The following SKA3 variants were observed in gnomAD, a reference collection of about 807,000 sequenced individuals.
SKA3 encodes the protein spindle and kinetochore-associated protein 3.
Under a neutral mutation model 44.2 loss-of-function variants are expected in SKA3, and 39 were observed. That is an observed-to-expected ratio of 0.88 (90% CI 0.68 to 1.15). The LOEUF is 1.15. Among genes scored for constraint, SKA3 ranks in the 50% most tolerant of loss-of-function variants. The pLI is 0.00. For synonymous variants in SKA3, 192 were observed against 172.0 expected, an observed-to-expected ratio of 1.12 and a Z score of -0.91; for missense variants, 511 against 485.8, an observed-to-expected ratio of 1.05 and a Z score of -0.49.
intron 7 of SKA3, among the ~76,000 whole-genome samples, chr13:21,156,171 A>T (rs1010837014): frequency 1.5e-5 from 2 of 133,206 alleles, no homozygotes; most frequent in Non-Finnish European, 3.1e-5. Flanking sequence ...TAGGAGACAG[A>T]GCGAGACTTG....
chr13:21,176,220 A>G lies in SKA3; in HGVS notation c.103+155T>C. 1.7e-5 allele frequency: 10 copies of G among 595,122 alleles called. 1 individual carries two copies. In the South Asian group the frequency reaches 1.9e-4, roughly 12 times the overall value. 36.9% of individuals were successfully genotyped at this position (595,122 alleles called of 1,614,324 possible). A position where few individuals can be genotyped will look rare whatever the true frequency, so the allele number is the denominator to read the frequency against. ...GGAGCTACGCTAACGCCAAACGCCG[A>G]GCAGTGAGACGCGCAGCACCCGCCC... On this transcript the variant is annotated intron_variant, in intron 1 of 8. Transcript: ENST00000314759.
intron 7 of SKA3, among the ~76,000 whole-genome samples, chr13:21,157,146 C>A (rs1227315960): frequency 6.6e-6 from 1 of 152,168 alleles, no homozygotes; most frequent in African/African-American, 2.4e-5. Flanking sequence ...AGGAGGGGGA[C>A]TGTCAAAGAA....
rs376831484 is a variant in SKA3 at position 21,158,062 on chromosome 13, G to T, written c.979C>A (p.Arg327Ser). ...SSSNDLEVED[R>S]TSLVLNSDTC... ...TCTGAATTTAAAACCAACGAAGTACGATCTTCAACTTCCAAATCATTTGAT... is the reference window on the plus strand; with the variant it reads ...TCTGAATTTAAAACCAACGAAGTACTATCTTCAACTTCCAAATCATTTGAT... Residue 327 changes from arginine to serine, a missense_variant, in exon 7 of 9, where the codon CGT (arginine) becomes AGT (serine). By Grantham distance (110) the Arg-to-Ser change is moderately radical. Transcript: ENST00000314759. 4 of 1,612,818 alleles carry T rather than the reference G, an allele frequency of 2.5e-6. 1 individual carries two copies. In the Admixed American group the frequency reaches 6.7e-5, roughly 27 times the overall value.
chr13:21,159,833 G>A, intron 6 of SKA3, 69 bp downstream of exon 6: 2 of 1,002,400 alleles, frequency 2.0e-6, no homozygotes, highest in South Asian at 2.2e-5. Flanking sequence ...GACTCTTTGA[G>A]CCTGCAAGCA....
rs942036704 is a variant in SKA3, at chr13:21,155,233, T to C, written c.*-83A>G. On this transcript the variant is annotated intron_variant, in intron 8 of 8. Transcript: ENST00000314759. ...AATGACACAATACTGTGGCTATATA[T>C]TTTACACTTATAAAATAATTGAGGA... The C allele has an allele frequency of 1.0e-4, 117 of 1,142,030 alleles. No individual in the cohort carries two copies. In the Middle Eastern group the frequency reaches 3.1e-3, roughly 30 times the overall value. 70.7% of individuals were successfully genotyped at this position (1,142,030 alleles called of 1,614,324 possible). A position where few individuals can be genotyped will look rare whatever the true frequency, so the allele number is the denominator to read the frequency against.
At chr13:21,163,665 G>C (rs1870557145) in intron 4 of SKA3, among the ~76,000 whole-genome samples, 1 of 152,110 alleles carries the variant, frequency 6.6e-6, no homozygotes, top group African/African-American at 2.4e-5. Context: ...ATATGCATCT[G>C]GATAGTTGAA....
chr13:21,169,462 G>A (rs1459644285), intron 3 of SKA3, among the ~76,000 whole-genome samples: 2 of 151,432 alleles, frequency 1.3e-5, no homozygotes, highest in Non-Finnish European at 2.9e-5. Flanking sequence ...CGGCCTCCCA[G>A]CGTGCTGGGA....
rs1192698383 is a variant in SKA3 at position 21,154,950 on chromosome 13, T to A, written c.*200A>T. ...ATCCTTAAAGAGTGAATGACTGGGC[T>A]ACATGTCAACAAGACTAAGGTTAAA... On this transcript the variant is annotated 3_prime_UTR_variant, in exon 9 of 9. Coordinates refer to ENST00000314759, the MANE Select transcript of SKA3 (RefSeq NM_145061.6). 9.8e-6 allele frequency: 8 copies of A among 813,392 alleles called. No homozygotes were observed. The highest frequency in any genetic ancestry group is 1.6e-5 in the Non-Finnish European group (8 of 512,070). 50.4% of individuals were successfully genotyped at this position (813,392 alleles called of 1,614,324 possible).
Position 21,169,416 on chromosome 13 carries a change from G to A in SKA3, c.332-1017C>T, listed in dbSNP as rs578204590. Among the ~76,000 whole-genome samples, 27 of 151,872 alleles carry A rather than the reference G, an allele frequency of 1.8e-4. No homozygotes were observed. The South Asian group carries it at 4.8e-3, about 27-fold the overall frequency. Reference sequence around the variant, plus strand: ...GGGTTTCACCATGTTGCCTAGACAGGTCTAGAACTCCTGAGCTCAAGTGAT... The same window carrying A: ...GGGTTTCACCATGTTGCCTAGACAGATCTAGAACTCCTGAGCTCAAGTGAT... On this transcript the variant is annotated intron_variant, in intron 3 of 8. Transcript: ENST00000314759.
At chr13:21,164,133 A>G (rs113369059) in intron 4 of SKA3, among the ~76,000 whole-genome samples, 272 of 152,260 alleles carry the variant, frequency 1.8e-3, no homozygotes, top group Non-Finnish European at 2.9e-3. Context: ...TAATTACTGC[A>G]TATGGGTTTT....
chr13:21,165,091 T>C (rs1282682418), intron 4 of SKA3, among the ~76,000 whole-genome samples: 1 of 152,110 alleles, frequency 6.6e-6, no homozygotes, highest in East Asian at 1.9e-4. Flanking sequence ...ATATTTTATG[T>C]TGACTTGAGG....
Position 21,156,790 on chromosome 13 carries a change from G to C in SKA3, c.1120-979C>G. 5.8e-4 allele frequency among the ~76,000 whole-genome samples: 2 copies of C among 3,446 alleles called. 1 individual carries two copies. Among genetic ancestry groups the C allele is most frequent in the Non-Finnish European group, 1.8e-3 (2 of 1,104 alleles). The allele number at this position is 3,446 out of a possible 152,430, so 2.3% of individuals were successfully genotyped here. ...GAATTCCACACGTGGGCCGGGCGCG[G>C]TGGCTCACGCCTGTAATCCCAGCAC... On this transcript the variant is annotated intron_variant, in intron 7 of 8. Coordinates refer to ENST00000314759, the MANE Select transcript of SKA3 (RefSeq NM_145061.6).
chr13:21,165,254 T>TAA (rs769423327), intron 4 of SKA3, among the ~76,000 whole-genome samples: 1 of 139,010 alleles, frequency 7.2e-6, no homozygotes, highest in Admixed American at 7.3e-5. Context: ...TACAGAAAGT[T>TAA]AAAAAAAAAA....
chr13:21,163,255 T>C (rs900998690), intron 4 of SKA3, among the ~76,000 whole-genome samples: 4 of 152,136 alleles, frequency 2.6e-5, no homozygotes, highest in African/African-American at 9.7e-5. Context: ...TGTGTAGTCC[T>C]CTATGGAAGC....
Position 21,176,518 on chromosome 13 carries a change from C to G in SKA3, c.-41G>C. The G allele has an allele frequency of 7.2e-7, 1 of 1,393,378 alleles. No homozygotes were observed. The highest frequency in any genetic ancestry group is 9.5e-7 in the Non-Finnish European group (1 of 1,050,096). 86.3% of individuals were successfully genotyped at this position (1,393,378 alleles called of 1,614,324 possible). A position where few individuals can be genotyped will look rare whatever the true frequency, so the allele number is the denominator to read the frequency against. The stretch of plus-strand genomic sequence containing the variant: ...GAAGGACTCCAGGCGTACGCAGACC[C>G]CACCGCTCAGCTCACAGCCTCCCGC... On this transcript the variant is annotated 5_prime_UTR_variant, in exon 1 of 9. Coordinates refer to ENST00000314759, the MANE Select transcript of SKA3 (RefSeq NM_145061.6).
chr13:21,170,312 T>C (rs896081197), intron 3 of SKA3, among the ~76,000 whole-genome samples: 3 of 151,910 alleles, frequency 2.0e-5, no homozygotes, highest in African/African-American at 7.3e-5. Context: ...AATGAGTAGC[T>C]GGGATTACAG....
At chr13:21,166,905 G>GT (rs528005337) in intron 4 of SKA3, among the ~76,000 whole-genome samples, 1 of 151,968 alleles carries the variant, frequency 6.6e-6, no homozygotes, top group African/African-American at 2.4e-5. Context: ...GAGTTGTGGG[G>GT]TTTTTTTCTT....
chr13:21,159,715 G>C (rs913915972), intron 6 of SKA3, among the ~76,000 whole-genome samples, 187 bp downstream of exon 6: 3 of 152,078 alleles, frequency 2.0e-5, no homozygotes, highest in African/African-American at 7.2e-5. Context: ...TGGTTTAAAG[G>C]TATGAAAAAT....
chr13:21,163,800 G>A (rs1344425147), intron 4 of SKA3, among the ~76,000 whole-genome samples: 2 of 152,156 alleles, frequency 1.3e-5, no homozygotes, highest in African/African-American at 2.4e-5. Flanking sequence ...GTCTCATTGT[G>A]TCACCTAAGC....
Sources: allele counts gnomAD v4.1 joint callset (sites outside exome capture counted in the v4.1 genomes callset), GRCh38; gene constraint gnomAD v4.1.1; transcripts MANE v1.5; gene names NCBI Gene and HGNC (gene_info 2026-07-23, HGNC 2026-07-21).